Variants in TNFRSF21 observed in about 807,000 individuals in gnomAD.
TNFRSF21 encodes the protein tumor necrosis factor receptor superfamily member 21.
In TNFRSF21, 19 loss-of-function variants were observed where a neutral mutation model predicts 45.6. The ratio of observed to expected loss-of-function variants is 0.42; its 90% CI spans 0.29 to 0.61. The LOEUF (loss-of-function observed/expected upper bound fraction) is 0.61. Ranked by LOEUF, TNFRSF21 falls within the 20% of genes least tolerant of loss-of-function variation. TNFRSF21 has a pLI of 0.23. For synonymous variants in TNFRSF21, 314 were observed against 335.5 expected (o/e 0.94, Z 0.70); for missense variants, 737 against 851.5 (o/e 0.87, Z 1.67).
At chr6:47,282,073 T>G (rs1762574816) in intron 3 of TNFRSF21, among the ~76,000 whole-genome samples, 1 of 152,004 alleles carries the variant, frequency 6.6e-6, no homozygotes, top group Non-Finnish European at 1.5e-5. Flanking sequence ...ACACCAATAA[T>G]AGCTGATAAG....
chr6:47,273,340 G>A (rs1423314528), intron 3 of TNFRSF21, among the ~76,000 whole-genome samples: 1 of 152,098 alleles, frequency 6.6e-6, no homozygotes, highest in Non-Finnish European at 1.5e-5. Flanking sequence ...TTCATCCCTG[G>A]GATGCAAGGC....
At chr6:47,275,094 T>C (rs920562515) in intron 3 of TNFRSF21, among the ~76,000 whole-genome samples, 2 of 152,216 alleles carry the variant, frequency 1.3e-5, no homozygotes, top group Non-Finnish European at 2.9e-5. Flanking sequence ...GAAGACAGTG[T>C]GGCGATTCCT....
At chr6:47,242,425 C>T (rs377297810) in intron 4 of TNFRSF21, among the ~76,000 whole-genome samples, 13 of 152,284 alleles carry the variant, frequency 8.5e-5, no homozygotes, top group African/African-American at 3.1e-4. Context: ...GAATTCTCAT[C>T]ATTTCTAAGA....
At chr6:47,292,880 T>G (rs1395073168) in intron 1 of TNFRSF21, among the ~76,000 whole-genome samples, 1 of 152,222 alleles carries the variant, frequency 6.6e-6, no homozygotes, top group African/African-American at 2.4e-5. Flanking sequence ...TTTTGTTTTG[T>G]TTTGTCTTAC....
At chr6:47,233,085 C>G in intron 5 of TNFRSF21, 91 bp from the exon 6 acceptor site, 1 of 1,099,218 alleles carries the variant, frequency 9.1e-7, no homozygotes, top group Non-Finnish European at 1.3e-6. Flanking sequence ...GAGAGAGAGA[C>G]ATCTATGTCC....
intron 4 of TNFRSF21, among the ~76,000 whole-genome samples, chr6:47,245,878 G>T: frequency 6.6e-6 from 1 of 152,176 alleles, no homozygotes; most frequent in East Asian, 1.9e-4. Context: ...TTATAATCAT[G>T]GCAGAAGGCA....
Position 47,309,714 on chromosome 6 carries a change from C to T in TNFRSF21, c.-203G>A. The stretch of plus-strand genomic sequence containing the variant: ...GGGGCGCTCAGCACCTGCCCAGCGG[C>T]GCGGCCGCCCAGGCGGGGAGAAGCC... On this transcript the variant is annotated 5_prime_UTR_variant, in exon 1 of 6. Transcript: ENST00000296861. The T allele has an allele frequency of 1.5e-6, 1 of 671,184 alleles. No homozygotes were observed. The highest frequency in any genetic ancestry group is 2.1e-6 in the Non-Finnish European group (1 of 472,044). 41.6% of individuals were successfully genotyped at this position (671,184 alleles called of 1,614,324 possible).
At chr6:47,272,249 G>C (rs1762432675) in intron 3 of TNFRSF21, among the ~76,000 whole-genome samples, 1 of 152,088 alleles carries the variant, frequency 6.6e-6, no homozygotes. Context: ...TTCTAAAATT[G>C]ACCATATAAT....
intron 3 of TNFRSF21, among the ~76,000 whole-genome samples, chr6:47,279,350 G>C (rs916128726): frequency 4.6e-5 from 7 of 152,198 alleles, no homozygotes; most frequent in African/African-American, 1.7e-4. Context: ...ACAGCAATTG[G>C]TTTCTGTTCT....
At chr6:47,260,340 T>C (rs1765056015) in intron 3 of TNFRSF21, among the ~76,000 whole-genome samples, 1 of 152,222 alleles carries the variant, frequency 6.6e-6, no homozygotes, top group Admixed American at 6.5e-5. Flanking sequence ...ACAGCAGTAC[T>C]CAATGGGTTC....
At chr6:47,251,888 G>A (rs2295267) in intron 4 of TNFRSF21, among the ~76,000 whole-genome samples, 13,768 of 152,138 alleles carry the variant, frequency 0.09, 1,398 homozygotes, top group East Asian at 0.48. Context: ...ATAAGACACT[G>A]GTGTATGCCT....
chr6:47,234,826 C>T lies in TNFRSF21; in HGVS notation c.1582G>A (p.Ala528Thr), dbSNP rs141242367. The T allele has an allele frequency of 7.6e-5, 117 of 1,543,628 alleles. No homozygotes were observed. The highest frequency in any genetic ancestry group is 3.2e-4 in the African/African-American group (23 of 71,218). The change falls in exon 5 of 6, where the codon GCG becomes ACG. Residue 528 changes from alanine to threonine, a missense_variant. Physicochemically the swap from Ala to Thr is moderately conservative, Grantham distance 58. Coordinates refer to ENST00000296861, the MANE Select transcript of TNFRSF21 (RefSeq NM_014452.5). ...AGGAGAGCGGAATTCTCAAGTTTCG[C>T]GTTGGGGCTGGGGATGGGGCTCGGG... ...LSPSPIPSPN[A>T]KLENSALLTV...
intron 3 of TNFRSF21, among the ~76,000 whole-genome samples, chr6:47,280,444 T>G (rs1445422836): frequency 3.3e-5 from 5 of 152,228 alleles, no homozygotes; most frequent in African/African-American, 4.8e-5. Context: ...GGTTGCATGT[T>G]TGAGACTAGC....
At chr6:47,291,441 G>A (rs925976336) in intron 1 of TNFRSF21, among the ~76,000 whole-genome samples, 8 of 152,232 alleles carry the variant, frequency 5.3e-5, no homozygotes, top group Admixed American at 3.9e-4. Context: ...CAACATGGAA[G>A]GTGGTGGTGA....
chr6:47,298,284 T>TAAAAAA (rs558717941), intron 1 of TNFRSF21, among the ~76,000 whole-genome samples: 3 of 74,408 alleles, frequency 4.0e-5, no homozygotes, highest in Non-Finnish European at 5.8e-5. Context: ...TACAAAAAAT[T>TAAAAAA]AAAAAAAAAA....
chr6:47,309,501 G>C lies in TNFRSF21; in HGVS notation c.11C>G (p.Ser4Cys), dbSNP rs1305354602. The C allele has an allele frequency of 6.6e-7, 1 of 1,510,846 alleles. No individual in the cohort carries two copies. 93.6% of individuals were successfully genotyped at this position (1,510,846 alleles called of 1,614,324 possible). A position where few individuals can be genotyped will look rare whatever the true frequency, so the allele number is the denominator to read the frequency against. ...GGCGAGGGCGGTGCTGCTGCTCGGA[G>C]AGGTCCCCATGGCTGAACCGGGGAC... MGT[S>C]PSSSTALASC... is the part of the protein sequence containing the mutation. The change falls in exon 1 of 6, where the codon TCT becomes TGT. Residue 4 changes from serine (S) to cysteine (C), a missense_variant. Physicochemically the swap from Ser to Cys is moderately radical, Grantham distance 112. Coordinates refer to ENST00000296861, the MANE Select transcript of TNFRSF21 (RefSeq NM_014452.5).
chr6:47,244,885 A>C (rs1300190911), intron 4 of TNFRSF21, among the ~76,000 whole-genome samples: 1 of 152,226 alleles, frequency 6.6e-6, no homozygotes. Context: ...TTGGGTTATA[A>C]CAGAATAAGG....
rs544717039 is a variant in TNFRSF21 at position 47,231,850 on chromosome 6, A to T, written c.*915T>A. Reference sequence around the variant, plus strand: ...TAAAAAACAAGACATCTTTTAAAGCAAAGCTGGGCAAATTCTCTATGGAAA... The same window carrying T: ...TAAAAAACAAGACATCTTTTAAAGCTAAGCTGGGCAAATTCTCTATGGAAA... On this transcript the variant is annotated 3_prime_UTR_variant, in exon 6 of 6. Coordinates refer to ENST00000296861, the MANE Select transcript of TNFRSF21 (RefSeq NM_014452.5). The T allele has an allele frequency of 6.0e-4, 92 of 152,796 alleles. No homozygotes were observed. The highest frequency in any genetic ancestry group is 2.2e-3 in the African/African-American group (91 of 41,582). 9.5% of individuals were successfully genotyped at this position (152,796 alleles called of 1,614,324 possible).
chr6:47,268,168 T>C (rs536983928), intron 3 of TNFRSF21, among the ~76,000 whole-genome samples: 2 of 152,344 alleles, frequency 1.3e-5, no homozygotes, highest in African/African-American at 4.8e-5. Flanking sequence ...ACTCGTGGTG[T>C]GGCCTTAGTC....
Sources: allele counts gnomAD v4.1 joint callset (sites outside exome capture counted in the v4.1 genomes callset), GRCh38; gene constraint gnomAD v4.1.1; transcripts MANE v1.5; gene names NCBI Gene and HGNC (gene_info 2026-07-23, HGNC 2026-07-21).